Variants in HDAC9 observed in about 807,000 individuals in gnomAD.
The protein encoded by HDAC9 is MEF-2 interacting transcription repressor (MITR) protein.
Under a neutral mutation model 139.4 loss-of-function variants are expected in HDAC9, and 41 were observed. That is an observed-to-expected ratio of 0.29 (90% CI 0.23 to 0.38). The LOEUF (loss-of-function observed/expected upper bound fraction) is 0.38. HDAC9 is among the 10% of genes least tolerant of loss of function. The pLI is 1.00. For synonymous variants in HDAC9, 517 were observed against 476.2 expected, an observed-to-expected ratio of 1.09 and a Z score of -1.12; for missense variants, 1,147 against 1,297.0, an observed-to-expected ratio of 0.88 and a Z score of 1.78.
At chr7:18,950,283 C>T (rs1342869963) in intron 23 of HDAC9, among the ~76,000 whole-genome samples, 1 of 152,058 alleles carries the variant, frequency 6.6e-6, no homozygotes, top group Non-Finnish European at 1.5e-5. Context: ...CATTTCTGAT[C>T]TATAGAAATA....
At chr7:18,618,236 A>G (rs77760161) in intron 6 of HDAC9, among the ~76,000 whole-genome samples, 3,687 of 152,282 alleles carry the variant, frequency 0.024, 157 homozygotes, top group African/African-American at 0.085. Flanking sequence ...CTTTAAGGTC[A>G]GGAATGGCTG....
At chr7:18,728,764 A>G (rs962712232) in intron 13 of HDAC9, among the ~76,000 whole-genome samples, 9 of 152,198 alleles carry the variant, frequency 5.9e-5, no homozygotes, top group Admixed American at 2.6e-4. Context: ...TTCTAAAACC[A>G]TATTCCCAAG....
intron 1 of HDAC9, among the ~76,000 whole-genome samples, chr7:18,328,369 T>A (rs632719): frequency 0.99 from 151,017 of 151,870 alleles, 75,091 homozygotes; most frequent in Non-Finnish European, 1. Flanking sequence ...TTGGGAGTAG[T>A]GCTCTTATGC....
At chr7:18,100,981 C>G (rs1457461014) in intron 1 of HDAC9, among the ~76,000 whole-genome samples, 2 of 152,082 alleles carry the variant, frequency 1.3e-5, no homozygotes, top group Non-Finnish European at 2.9e-5. Flanking sequence ...ATGAAGTTTT[C>G]CAGTCTGGCT....
At chr7:18,562,433 T>C (rs994659592) in intron 2 of HDAC9, among the ~76,000 whole-genome samples, 1 of 152,194 alleles carries the variant, frequency 6.6e-6, no homozygotes, top group African/African-American at 2.4e-5. Context: ...GTTTTAACTC[T>C]TAACATTTTA....
intron 13 of HDAC9, among the ~76,000 whole-genome samples, chr7:18,738,323 G>T (rs1479984028): frequency 2.0e-5 from 3 of 151,910 alleles, no homozygotes; most frequent in Non-Finnish European, 4.4e-5. Context: ...TGGTTATTTT[G>T]CCCATTAATT....
At chr7:18,165,891 A>G (rs1004470620) in intron 2 of HDAC9, among the ~76,000 whole-genome samples, 6 of 151,994 alleles carry the variant, frequency 3.9e-5, no homozygotes, top group African/African-American at 1.5e-4. Flanking sequence ...CTTTGCGTCT[A>G]TCTAGGCCAT....
intron 2 of HDAC9, among the ~76,000 whole-genome samples, chr7:18,249,548 T>C (rs887138137): frequency 2.1e-5 from 3 of 146,136 alleles, no homozygotes; most frequent in Admixed American, 2.1e-4. Context: ...TCTGAACAGA[T>C]CTGTTTTTTA....
intron 1 of HDAC9, among the ~76,000 whole-genome samples, chr7:18,092,941 G>C (rs1164920671): frequency 6.6e-6 from 1 of 152,148 alleles, no homozygotes; most frequent in Admixed American, 6.5e-5. Context: ...AGACTTTTAA[G>C]GGACTGATTC....
chr7:18,930,434 A>G (rs1804633817), intron 22 of HDAC9, among the ~76,000 whole-genome samples: 1 of 151,992 alleles, frequency 6.6e-6, no homozygotes, highest in African/African-American at 2.4e-5. Context: ...AAATTGTTAT[A>G]TATGCTCTAA....
At chr7:18,847,807 A>T (rs934266107) in intron 21 of HDAC9, among the ~76,000 whole-genome samples, 1 of 152,200 alleles carries the variant, frequency 6.6e-6, no homozygotes, top group Non-Finnish European at 1.5e-5. Flanking sequence ...ATTAGTAACT[A>T]TTCAACACTT....
chr7:18,977,323 G>A (rs1290537501), intron 25 of HDAC9, among the ~76,000 whole-genome samples: 2 of 152,176 alleles, frequency 1.3e-5, no homozygotes, highest in Middle Eastern at 3.2e-3. Flanking sequence ...CCATAAAACT[G>A]AGGAAACTAA....
rs116279220 is a variant in HDAC9 at position 18,978,717 on chromosome 7, G to C, written c.3170+2764G>C. 5.7e-3 allele frequency among the ~76,000 whole-genome samples: 874 copies of C among 152,252 alleles called. 6 individuals carry two copies. Among genetic ancestry groups the C allele is most frequent in the African/African-American group, 0.02 (831 of 41,562 alleles). On this transcript the variant is annotated intron_variant, in intron 25 of 25. Transcript: ENST00000686413. ...TTTTCTTATTGTTTGCTAGGAATGT[G>C]TACCTTTAAACAATTGTAGTTTGCA... is the stretch of plus-strand genomic sequence containing the variant.
chr7:18,640,710 A>G (rs1323957571), intron 8 of HDAC9, among the ~76,000 whole-genome samples: 1 of 151,858 alleles, frequency 6.6e-6, no homozygotes, highest in Non-Finnish European at 1.5e-5. Context: ...GCATCATTCC[A>G]TTTTCTTGCT....
chr7:18,179,976 A>G (rs755349399), intron 2 of HDAC9, among the ~76,000 whole-genome samples: 30 of 152,184 alleles, frequency 2.0e-4, no homozygotes, highest in Non-Finnish European at 4.1e-4. Flanking sequence ...AAGCCTCTCC[A>G]CACTGATGAG....
chr7:18,995,930 A>T, intron 25 of HDAC9, 93 bp from the exon 26 acceptor site: 2 of 865,278 alleles, frequency 2.3e-6, no homozygotes, highest in Non-Finnish European at 3.7e-6. Context: ...AACATCAGAG[A>T]GAGCTGAAAA....
intron 25 of HDAC9, among the ~76,000 whole-genome samples, chr7:18,991,154 A>G (rs924784131): frequency 2.6e-5 from 4 of 152,244 alleles, no homozygotes; most frequent in Non-Finnish European, 2.9e-5. Context: ...TCATTCCAAC[A>G]TATGTATATA....
chr7:18,426,526 A>G lies in HDAC9; in HGVS notation c.-41-69736A>G, dbSNP rs183294562. ...GGCATTGGGTTACCATATTTAGATC[A>G]TAGTTTATCTGATGTATGAACACAC... is the stretch of plus-strand genomic sequence containing the variant. On this transcript the variant is annotated intron_variant, in intron 1 of 3. Coordinates refer to the HDAC9 transcript ENST00000413509. Among the ~76,000 whole-genome samples, 375 of 152,310 alleles carry G rather than the reference A, an allele frequency of 2.5e-3. 3 individuals are homozygous for G. Among genetic ancestry groups the G allele is most frequent in the Admixed American group, 0.023 (359 of 15,282 alleles).
At chr7:18,256,186 G>A (rs1439425014) in intron 2 of HDAC9, among the ~76,000 whole-genome samples, 1 of 152,054 alleles carries the variant, frequency 6.6e-6, no homozygotes, top group Non-Finnish European at 1.5e-5. Context: ...GTATTTTAGG[G>A]TTCCTACAAA....
Sources: allele counts gnomAD v4.1 joint callset (sites outside exome capture counted in the v4.1 genomes callset), GRCh38; gene constraint gnomAD v4.1.1; transcripts MANE v1.5; gene names NCBI Gene and HGNC (gene_info 2026-07-23, HGNC 2026-07-21).